ST7: variants seen among roughly 807,000 people sequenced by gnomAD.
ST7 encodes suppressor of tumorigenicity 7 protein.
In ST7, 28 loss-of-function variants were observed where a neutral mutation model predicts 78.7. That is an observed-to-expected ratio of 0.36 (90% CI 0.26 to 0.49). ST7 has a LOEUF of 0.49. Among genes scored for constraint, ST7 ranks in the 20% least tolerant of loss-of-function variants. The probability of loss-of-function intolerance (pLI) is 0.99; values close to 1 mark genes in which losing one functional copy is unlikely to be tolerated. For missense variants in ST7, 418 were observed against 696.0 expected, an observed-to-expected ratio of 0.60 and a Z score of 4.49; for synonymous variants, 247 against 249.6, an observed-to-expected ratio of 0.99 and a Z score of 0.10.
chr7:117,146,450 T>G (rs1417137596), intron 9 of ST7: 1 of 152,254 alleles, frequency 6.6e-6, no homozygotes, highest in Non-Finnish European at 1.5e-5. Flanking sequence ...CAGCTTTTAC[T>G]CTGGGTGAAA....
rs36192014 is a variant in ST7 at position 117,031,450 on chromosome 7, G to A, written c.152-68312G>A. ...TGTGCATATATATGCATATATGTGT[G>A]TATATGTGCATATATATGCATATAT... On this transcript the variant is annotated intron_variant, in intron 1 of 15. Transcript: ENST00000323984. 8.6e-4 allele frequency among the ~76,000 whole-genome samples: 111 copies of A among 128,326 alleles called. 32 individuals carry two copies. Among genetic ancestry groups the A allele is most frequent in the African/African-American group, 2.9e-3 (110 of 37,338 alleles). The allele number at this position is 128,326 out of a possible 152,430, so 84.2% of individuals were successfully genotyped here. A position where few individuals can be genotyped will look rare whatever the true frequency, so the allele number is the denominator to read the frequency against.
At chr7:117,079,116 A>G (rs527859397) in intron 1 of ST7, among the ~76,000 whole-genome samples, 154 of 152,370 alleles carry the variant, frequency 1.0e-3, no homozygotes, top group Non-Finnish European at 2.0e-3. Flanking sequence ...CGTCTGTACT[A>G]AACATGGATA....
chr7:116,985,562 A>G (rs1176412225), intron 1 of ST7, among the ~76,000 whole-genome samples: 1 of 152,216 alleles, frequency 6.6e-6, no homozygotes, highest in Non-Finnish European at 1.5e-5. Flanking sequence ...CAAATTCAAC[A>G]AGCAAATTCA....
intron 15 of ST7, among the ~76,000 whole-genome samples, chr7:117,226,918 C>T (rs1179564909): frequency 6.6e-6 from 1 of 152,056 alleles, no homozygotes; most frequent in Non-Finnish European, 1.5e-5. Flanking sequence ...TCTTGTGGAA[C>T]CTTGTTGAGA....
chr7:117,094,581 G>A (rs1278872590), intron 1 of ST7, among the ~76,000 whole-genome samples: 1 of 152,194 alleles, frequency 6.6e-6, no homozygotes, highest in Non-Finnish European at 1.5e-5. Context: ...CTGGCCCAGT[G>A]TAGGCACTCA....
chr7:117,218,296 C>T (rs1792845451), intron 13 of ST7, among the ~76,000 whole-genome samples: 1 of 152,098 alleles, frequency 6.6e-6, no homozygotes, highest in African/African-American at 2.4e-5. Flanking sequence ...AAATTACCTC[C>T]GTGAGTACTG....
At position 117,130,618 on chromosome 7, in the gene ST7, C is replaced by T; in HGVS notation, c.565+12C>T. On this transcript the variant is annotated intron_variant, in intron 5 of 15. Transcript: ENST00000323984. ...TCCCGCAGATGCAAGTATGAAAAAT[C>T]CATACATCCTTCTGAATGGGAGGGC... 6.3e-7 allele frequency: 1 copy of T among 1,597,582 alleles called. No individual in the cohort carries two copies. Among genetic ancestry groups the T allele is most frequent in the Non-Finnish European group, 8.6e-7 (1 of 1,168,636 alleles).
At chr7:117,123,742 A>G (rs183240582) in intron 3 of ST7, among the ~76,000 whole-genome samples, 89 of 152,322 alleles carry the variant, frequency 5.8e-4, no homozygotes, top group African/African-American at 2.0e-3. Context: ...TTATAGGAAC[A>G]TCTGTTTGAT....
chr7:117,214,954 G>A (rs927289069), intron 13 of ST7, among the ~76,000 whole-genome samples: 2 of 117,666 alleles, frequency 1.7e-5, no homozygotes, highest in African/African-American at 7.3e-5. Flanking sequence ...GTGTGTGTGT[G>A]TACAGTGTAT....
At chr7:117,139,688 C>T (rs912457569) in intron 9 of ST7, among the ~76,000 whole-genome samples, 1 of 152,182 alleles carries the variant, frequency 6.6e-6, no homozygotes, top group Admixed American at 6.5e-5. Flanking sequence ...TAAAGTATTT[C>T]TCTTTGACTG....
chr7:116,970,163 G>A (rs1218826573), intron 1 of ST7, among the ~76,000 whole-genome samples: 1 of 152,084 alleles, frequency 6.6e-6, no homozygotes, highest in Non-Finnish European at 1.5e-5. Flanking sequence ...CTCCAGGTAG[G>A]CCCTGTTTGG....
At chr7:117,164,194 T>C (rs941415028) in intron 9 of ST7, among the ~76,000 whole-genome samples, 1 of 152,072 alleles carries the variant, frequency 6.6e-6, no homozygotes, top group Non-Finnish European at 1.5e-5. Flanking sequence ...CATCCACATA[T>C]CTACAGCCAA....
chr7:117,086,960 T>A (rs1478226613), intron 1 of ST7, among the ~76,000 whole-genome samples: 1 of 152,206 alleles, frequency 6.6e-6, no homozygotes. Context: ...GCCTGTGTGG[T>A]GGTTTCCCCT....
chr7:116,985,151 T>C (rs1794138157), intron 1 of ST7, among the ~76,000 whole-genome samples: 1 of 152,186 alleles, frequency 6.6e-6, no homozygotes, highest in Admixed American at 6.5e-5. Flanking sequence ...GAGATGTTTT[T>C]AAGGGTAAAA....
chr7:117,119,173 G>T (rs1254319723), intron 2 of ST7, among the ~76,000 whole-genome samples: 1 of 151,996 alleles, frequency 6.6e-6, no homozygotes, highest in Non-Finnish European at 1.5e-5. Context: ...AATATAAAGT[G>T]CAAAGAACTG....
chr7:117,220,603 A>C (rs924782000), intron 14 of ST7, among the ~76,000 whole-genome samples: 1 of 152,240 alleles, frequency 6.6e-6, no homozygotes, highest in African/African-American at 2.4e-5. Context: ...TAATCTTTAT[A>C]AGCCTGAAAT....
At chr7:117,092,967 A>G (rs1289561123) in intron 1 of ST7, among the ~76,000 whole-genome samples, 1 of 152,326 alleles carries the variant, frequency 6.6e-6, no homozygotes, top group East Asian at 1.9e-4. Flanking sequence ...TGTCATAACC[A>G]TAAAAAGACT....
At chr7:117,090,231 A>G (rs986575597) in intron 1 of ST7, among the ~76,000 whole-genome samples, 2 of 144,016 alleles carry the variant, frequency 1.4e-5, no homozygotes, top group Non-Finnish European at 3.0e-5. Context: ...TAGTCTAAGG[A>G]TAGAAACACA....
intron 9 of ST7, among the ~76,000 whole-genome samples, chr7:117,152,208 T>TAC (rs1304826359): frequency 1.0e-5 from 1 of 96,662 alleles, no homozygotes; most frequent in African/African-American, 4.2e-5. Context: ...TATATATATA[T>TAC]ATATATATAT....
Sources: gnomAD v4.1 joint callset for allele counts (sites outside exome capture counted in the v4.1 genomes callset) on GRCh38, gnomAD v4.1.1 for gene constraint, MANE v1.5 for transcripts, NCBI Gene and HGNC (gene_info 2026-07-23, HGNC 2026-07-21) for gene names.